Variants in EML1 observed in about 807,000 individuals in gnomAD.
EML1 encodes the protein echinoderm microtubule-associated protein-like 1.
In EML1, 27 loss-of-function variants were observed where a neutral mutation model predicts 110.4. That is an observed-to-expected ratio of 0.24 (90% CI 0.18 to 0.34). The LOEUF (loss-of-function observed/expected upper bound fraction) is 0.34, where lower values mean the gene tolerates loss of function less well. Ranked by LOEUF, EML1 falls within the 10% of genes least tolerant of loss-of-function variation. The probability of loss-of-function intolerance (pLI) is 1.00; values close to 1 mark genes in which losing one functional copy is unlikely to be tolerated. For synonymous variants in EML1, 344 were observed against 385.8 expected (o/e 0.89, Z 1.27); for missense variants, 741 against 1,030.9 (o/e 0.72, Z 3.85).
intron 3 of EML1, among the ~76,000 whole-genome samples, chr14:99,867,081 T>A (rs1380544110): frequency 2.0e-5 from 3 of 152,140 alleles, no homozygotes; most frequent in Non-Finnish European, 4.4e-5. Flanking sequence ...TACCCACCTC[T>A]CTCCCACCCT....
At chr14:99,821,452 A>C (rs1013219850) in intron 1 of EML1, among the ~76,000 whole-genome samples, 2 of 152,216 alleles carry the variant, frequency 1.3e-5, no homozygotes, top group Non-Finnish European at 2.9e-5. Flanking sequence ...CAAAAGTTCA[A>C]GACCAGCCCG....
intron 1 of EML1, among the ~76,000 whole-genome samples, chr14:99,796,208 G>GAGAGAGAGAGAT (rs1163907588): frequency 6.7e-6 from 1 of 150,116 alleles, no homozygotes; most frequent in Middle Eastern, 3.2e-3. Flanking sequence ...GAGAGAGAGA[G>GAGAGAGAGAGAT]AGAGAGAGAG....
intron 1 of EML1, among the ~76,000 whole-genome samples, chr14:99,826,026 G>A (rs775767783): frequency 4.6e-5 from 7 of 151,974 alleles, no homozygotes; most frequent in South Asian, 2.1e-4. Context: ...AATTGTGTTG[G>A]CTTAATGTGA....
intron 1 of EML1, among the ~76,000 whole-genome samples, chr14:99,813,427 T>G (rs1199695602): frequency 1.4e-4 from 21 of 152,152 alleles, no homozygotes; most frequent in Admixed American, 1.4e-3. Flanking sequence ...TAAAAACGAT[T>G]GAGATGGCCA....
At chr14:99,789,059 A>G (rs1476516258), upstream of EML1, among the ~76,000 whole-genome samples, 2 of 152,074 alleles carry the variant, frequency 1.3e-5, no homozygotes, top group Non-Finnish European at 2.9e-5. Context: ...CCATTCATCC[A>G]TCGGTAGATA....
chr14:99,892,364 G>C (rs1368982700), intron 5 of EML1, among the ~76,000 whole-genome samples: 3 of 152,192 alleles, frequency 2.0e-5, no homozygotes, highest in Non-Finnish European at 4.4e-5. Context: ...CATTTACTCG[G>C]ATGGGCTTTA....
chr14:99,909,990 T>G (rs2059920122), intron 11 of EML1, among the ~76,000 whole-genome samples: 1 of 152,124 alleles, frequency 6.6e-6, no homozygotes, highest in African/African-American at 2.4e-5. Flanking sequence ...GCTTGCTGTC[T>G]GCAGCTTTAT....
At chr14:99,897,627 G>A (rs1364700508) in intron 7 of EML1, among the ~76,000 whole-genome samples, 3 of 152,038 alleles carry the variant, frequency 2.0e-5, no homozygotes, top group Admixed American at 6.6e-5. Context: ...TGAGCTTCAC[G>A]GACCACATTG....
At chr14:99,871,040 T>G (rs1334807761) in intron 3 of EML1, among the ~76,000 whole-genome samples, 2 of 152,202 alleles carry the variant, frequency 1.3e-5, no homozygotes, top group East Asian at 3.9e-4. Flanking sequence ...CACTGCAACC[T>G]CCGCCTCCCG....
intron 3 of EML1, among the ~76,000 whole-genome samples, chr14:99,871,737 A>T (rs1300842274): frequency 1.3e-5 from 2 of 152,230 alleles, no homozygotes; most frequent in African/African-American, 4.8e-5. Context: ...ATCTCCTGAT[A>T]AAACTTTAAT....
intron 2 of EML1, among the ~76,000 whole-genome samples, chr14:99,853,165 G>A (rs1360975717): frequency 6.6e-6 from 1 of 152,152 alleles, no homozygotes; most frequent in East Asian, 1.9e-4. Flanking sequence ...TGTTTTCATA[G>A]TCATCTGATA....
chr14:99,869,427 C>T (rs1366020787), intron 3 of EML1, among the ~76,000 whole-genome samples: 2 of 152,124 alleles, frequency 1.3e-5, no homozygotes, highest in Non-Finnish European at 2.9e-5. Context: ...CTCCTCTGCC[C>T]ATTGTTTCCC....
intron 1 of EML1, among the ~76,000 whole-genome samples, chr14:99,783,031 T>A (rs1007558368): frequency 3.3e-5 from 5 of 152,034 alleles, no homozygotes; most frequent in African/African-American, 1.2e-4. Context: ...CTAGGGTACA[T>A]GTGCACAACA....
chr14:99,934,938 G>A (rs1314280587), intron 17 of EML1, among the ~76,000 whole-genome samples: 3 of 152,150 alleles, frequency 2.0e-5, no homozygotes, highest in Non-Finnish European at 2.9e-5. Context: ...GGGTCCTTAG[G>A]CCCTCCCAGA....
chr14:99,770,664 T>C (rs182438440), upstream of EML1, among the ~76,000 whole-genome samples: 2 of 152,152 alleles, frequency 1.3e-5, no homozygotes, highest in African/African-American at 4.8e-5. Flanking sequence ...CCTGGCGAAG[T>C]AACAAGAATT....
chr14:99,797,114 C>T (rs1050878536), intron 1 of EML1, among the ~76,000 whole-genome samples: 3 of 152,130 alleles, frequency 2.0e-5, no homozygotes, highest in African/African-American at 4.8e-5. Context: ...ACTCCATGTT[C>T]CCCCATCGCC....
At chr14:99,740,411 C>T (rs1430256407) in intron 1 of EML1, among the ~76,000 whole-genome samples, 1 of 152,194 alleles carries the variant, frequency 6.6e-6, no homozygotes, top group Non-Finnish European at 1.5e-5. Flanking sequence ...GAAGAAGCAG[C>T]TCTCATTTCA....
At chr14:99,914,486 C>A in intron 14 of EML1, 80 bp from the exon 15 acceptor site, 1 of 1,535,204 alleles carries the variant, frequency 6.5e-7, no homozygotes, top group Non-Finnish European at 8.7e-7. Context: ...AGCATGAAGC[C>A]TCGGTTCGTC....
At chr14:99,799,104 G>T (rs2057828937) in intron 1 of EML1, among the ~76,000 whole-genome samples, 1 of 152,118 alleles carries the variant, frequency 6.6e-6, no homozygotes, top group African/African-American at 2.4e-5. Flanking sequence ...ATCTGGCCTG[G>T]CTTCTTCTCC....
Sources: allele counts gnomAD v4.1 joint callset (sites outside exome capture counted in the v4.1 genomes callset), GRCh38; gene constraint gnomAD v4.1.1; transcripts MANE v1.5; gene names NCBI Gene and HGNC (gene_info 2026-07-23, HGNC 2026-07-21).